XKRX: variants seen among roughly 807,000 people sequenced by gnomAD.
XKRX encodes XK related X-linked, also known as XK-related protein 2.
In XKRX, 11 loss-of-function variants were observed where a neutral mutation model predicts 22.4. The observed-to-expected ratio is 0.49, with a 90% CI of 0.31 to 0.81. The LOEUF (loss-of-function observed/expected upper bound fraction) is 0.81, where lower values mean the gene tolerates loss of function less well. Among genes scored for constraint, XKRX ranks in the 40% least tolerant of loss-of-function variants. The probability of loss-of-function intolerance (pLI) is 0.05; values close to 1 mark genes in which losing one functional copy is unlikely to be tolerated. For missense variants in XKRX, 320 were observed against 336.5 expected (o/e 0.95, Z 0.38); for synonymous variants, 114 against 132.2 (o/e 0.86, Z 0.94).
At chrX:100,954,843 GA>G in the XKRX span, among the ~76,000 whole-genome samples, 4 of 112,350 alleles carry the variant, frequency 3.6e-5, no homozygotes, top group Non-Finnish European at 1.9e-5. Context: ...CCATTTATAT[GA>G]TATGTCCAAA....
At chrX:100,955,184 T>G in the XKRX span, among the ~76,000 whole-genome samples, 1 of 112,057 alleles carries the variant, frequency 8.9e-6, no homozygotes, top group Non-Finnish European at 1.9e-5. Flanking sequence ...TGCATAGGCC[T>G]ATATACACAC....
At chrX:100,952,098 A>T in the XKRX span, among the ~76,000 whole-genome samples, 12 of 110,550 alleles carry the variant, frequency 1.1e-4, no homozygotes, top group East Asian at 2.8e-4. Context: ...TAATAATAAT[A>T]ATTATACCTC....
At chrX:100,930,325 A>ATG (rs370531719), upstream of XKRX, among the ~76,000 whole-genome samples, 309 of 103,186 alleles carry the variant, frequency 3.0e-3, 2 homozygotes, top group African/African-American at 8.3e-3. Flanking sequence ...TAATAATAAT[A>ATG]ATGATGATTA....
intron 2 of XKRX, among the ~76,000 whole-genome samples, chrX:100,918,535 G>T (rs1435397145): frequency 8.9e-6 from 1 of 111,861 alleles, no homozygotes; most frequent in Non-Finnish European, 1.9e-5. Flanking sequence ...ATACACTCAT[G>T]CCATAAGAGA....
At chrX:100,888,572 G>T in the XKRX span, 1 of 513,454 alleles carries the variant, frequency 1.9e-6, no homozygotes, top group East Asian at 3.4e-5. Flanking sequence ...GGGCTCTTTA[G>T]GAGACTCTGA....
the XKRX span, among the ~76,000 whole-genome samples, chrX:100,900,680 T>G: frequency 9.2e-6 from 1 of 108,656 alleles, no homozygotes; most frequent in Non-Finnish European, 1.9e-5. Context: ...GTCCTACTGG[T>G]TTTCAAAGAC....
At chrX:100,896,519 C>T in the XKRX span, among the ~76,000 whole-genome samples, 9 of 111,758 alleles carry the variant, frequency 8.1e-5, no homozygotes, top group Non-Finnish European at 1.3e-4. Context: ...CATATATTTG[C>T]TTATATTTTT....
In XKRX at chrX:100,914,155, C is replaced by G. The variant is rs41309502; in HGVS notation, c.*183G>C. 9.5e-3 allele frequency: 4,931 copies of G among 520,640 alleles called. 21 individuals are homozygous for G. The highest frequency in any genetic ancestry group is 0.013 in the Non-Finnish European group (3,946 of 314,387). The allele number at this position is 520,640 out of a possible 1,213,427, so 42.9% of individuals were successfully genotyped here. A position where few individuals can be genotyped will look rare whatever the true frequency, so the allele number is the denominator to read the frequency against. The stretch of plus-strand genomic sequence containing the variant: ...ATAGTCGATACCCCCTGTTTCCAAA[C>G]ATAGTGGTAACTCTTAAGAAAATAA... On this transcript the variant is annotated 3_prime_UTR_variant, in exon 3 of 3. Coordinates refer to ENST00000372956, the MANE Select transcript of XKRX (RefSeq NM_212559.3).
chrX:100,956,622 T>A, the XKRX span: 1 of 525,592 alleles, frequency 1.9e-6, no homozygotes, highest in African/African-American at 2.3e-5. Flanking sequence ...AACTCTTTTT[T>A]AAGAAAGCAG....
the XKRX span, among the ~76,000 whole-genome samples, chrX:100,899,466 G>A: frequency 4.4e-5 from 5 of 112,712 alleles, no homozygotes; most frequent in African/African-American, 1.3e-4. Flanking sequence ...AGTGAGCCGA[G>A]ATCATGCCAC....
the XKRX span, among the ~76,000 whole-genome samples, chrX:100,891,681 A>G: frequency 9.3e-6 from 1 of 107,046 alleles, no homozygotes; most frequent in Non-Finnish European, 1.9e-5. Context: ...ACTTGAGCCC[A>G]GGAGTTTGAG....
the XKRX span, among the ~76,000 whole-genome samples, chrX:100,901,745 A>T: frequency 1.8e-5 from 2 of 112,076 alleles, no homozygotes; most frequent in African/African-American, 6.5e-5. Flanking sequence ...CACACCTGTA[A>T]TTCCAATGCT....
chrX:100,952,715 C>A, the XKRX span, among the ~76,000 whole-genome samples: 144 of 111,840 alleles, frequency 1.3e-3, no homozygotes, highest in African/African-American at 4.6e-3. Context: ...AGTGGAAAAG[C>A]CAATCTCAAA....
At chrX:100,893,265 A>G in the XKRX span, among the ~76,000 whole-genome samples, 1 of 111,939 alleles carries the variant, frequency 8.9e-6, no homozygotes, top group Non-Finnish European at 1.9e-5. Context: ...CATGGTGACT[A>G]TAGTAAATAA....
chrX:100,890,610 C>T, the XKRX span, among the ~76,000 whole-genome samples: 2 of 110,130 alleles, frequency 1.8e-5, no homozygotes, highest in African/African-American at 3.3e-5. Flanking sequence ...TCTTCTATTA[C>T]GTGATACTAT....
intron 2 of XKRX, among the ~76,000 whole-genome samples, chrX:100,916,816 G>C (rs1449790158): frequency 2.7e-5 from 3 of 112,338 alleles, no homozygotes; most frequent in Non-Finnish European, 5.6e-5. Context: ...AGATTAGAGA[G>C]GTGCATAAAA....
chrX:100,921,920 G>A (rs1365402635), intron 2 of XKRX, among the ~76,000 whole-genome samples: 6 of 91,185 alleles, frequency 6.6e-5, no homozygotes, highest in African/African-American at 1.3e-4. Flanking sequence ...TGCAAGCTCC[G>A]CCTCCCAGGT....
At chrX:100,888,477 T>A in the XKRX span, 2 of 941,992 alleles carry the variant, frequency 2.1e-6, no homozygotes, top group Non-Finnish European at 3.0e-6. Flanking sequence ...TCTGTGAGCA[T>A]TCCCCATCGC....
downstream of XKRX, among the ~76,000 whole-genome samples, chrX:100,912,641 G>A (rs747340655): frequency 9.0e-6 from 1 of 111,694 alleles, no homozygotes; most frequent in East Asian, 2.8e-4. Flanking sequence ...TGGTGGCCAC[G>A]ACTAGGAGTT....
Sources: allele counts gnomAD v4.1 joint callset (sites outside exome capture counted in the v4.1 genomes callset), GRCh38; gene constraint gnomAD v4.1.1; transcripts MANE v1.5; gene names NCBI Gene and HGNC (gene_info 2026-07-23, HGNC 2026-07-21).